Variants in LSR observed in about 807,000 individuals in gnomAD.
LSR encodes the protein lipolysis-stimulated lipoprotein receptor.
In LSR, 44 loss-of-function variants were observed where a neutral mutation model predicts 61.8. The observed-to-expected ratio is 0.71, with a 90% CI of 0.56 to 0.91. The LOEUF is 0.91. Ranked by LOEUF, LSR falls within the 40% of genes least tolerant of loss-of-function variation. The pLI is 0.00. For synonymous variants in LSR, 397 were observed against 350.6 expected (o/e 1.13, Z -1.48); for missense variants, 911 against 830.5 (o/e 1.10, Z -1.19).
rs1023367592 is a variant in LSR, at chr19:35,250,361, G to C, written c.156G>C (p.Val52=). The change falls in exon 2 of 10, where the codon GTG becomes GTC. Residue 52 remains valine (V), a synonymous_variant. Coordinates refer to ENST00000605618, the MANE Select transcript of LSR (RefSeq NM_205834.4). ...TGACCGTGTCCAACCCCTACCACGTGGTGATCCTCTTCCAGCCTGTGACCC... is the reference window on the plus strand; with the variant it reads ...TGACCGTGTCCAACCCCTACCACGTCGTGATCCTCTTCCAGCCTGTGACCC... ...IQVTVSNPYH[V]VILFQPVTLP... 7 of 1,586,382 alleles carry C rather than the reference G, an allele frequency of 4.4e-6. No individual in the cohort carries two copies. Among genetic ancestry groups the C allele is most frequent in the Non-Finnish European group, 6.0e-6 (7 of 1,161,290 alleles).
At chr19:35,264,891 C>T (rs1415209953) in intron 5 of LSR, 1 of 152,164 alleles carries the variant, frequency 6.6e-6, no homozygotes, top group Non-Finnish European at 1.5e-5. Flanking sequence ...CACTATCAGC[C>T]TCAGTAGTGA....
Position 35,267,657 on chromosome 19 carries a change from G to T in LSR, c.1693G>T (p.Glu565Ter), listed in dbSNP as rs770452111. Residue 565 changes from glutamate to a stop codon, truncating the protein, a stop_gained, in exon 9 of 10, where the codon GAG becomes TAG. Coordinates refer to ENST00000605618, the MANE Select transcript of LSR (RefSeq NM_205834.4). LOFTEE classifies it high-confidence loss of function. The stretch of plus-strand genomic sequence containing the variant: ...GAGACCCCACAAGGAGGAGGAGGAA[G>T]AGGCCTACTACCCGCCCGCGCCGCC... The part of the protein sequence containing the change: ...RRRPHKEEEE[E>*]AYYPPAPPPY... 6.2e-7 allele frequency: 1 copy of T among 1,609,718 alleles called. No homozygotes were observed. The highest frequency in any genetic ancestry group is 8.5e-7 in the Non-Finnish European group (1 of 1,178,554).
chr19:35,261,784 A>T, intron 3 of LSR, 141 bp from the exon 4 acceptor site: 1 of 490,026 alleles, frequency 2.0e-6, no homozygotes, highest in Non-Finnish European at 3.6e-6. Context: ...GGTAGGAGCC[A>T]TGCACTAGGG....
At chr19:35,256,149 G>A (rs956585973) in intron 2 of LSR, among the ~76,000 whole-genome samples, 37 of 151,668 alleles carry the variant, frequency 2.4e-4, no homozygotes, top group Admixed American at 7.2e-4. Flanking sequence ...CAGGAGAATC[G>A]CTTGAACCCA....
Position 35,262,632 on chromosome 19 carries a change from A to G in LSR, c.718A>G (p.Thr240Ala), listed in dbSNP as rs766946558. Residue 240 changes from threonine to alanine, a missense_variant, in exon 5 of 10, where the codon ACT (threonine) becomes GCT (alanine). Thr to Ala is a moderately conservative substitution (Grantham distance 58, BLOSUM62 0). Coordinates refer to ENST00000605618, the MANE Select transcript of LSR (RefSeq NM_205834.4). ...CTGCTGGTGCCAGTGCTGCCCGCAC[A>G]CTTGCTGCTGCTACGTCAGGTGCCC... ...GICWCQCCPH[T>A]CCCYVRCPCC... 8.1e-6 allele frequency: 13 copies of G among 1,614,150 alleles called. No homozygotes were observed. Among genetic ancestry groups the G allele is most frequent in the Non-Finnish European group, 9.3e-6 (11 of 1,180,032 alleles).
chr19:35,251,026 C>A (rs1166162426), intron 2 of LSR, among the ~76,000 whole-genome samples: 1 of 152,098 alleles, frequency 6.6e-6, no homozygotes, highest in African/African-American at 2.4e-5. Flanking sequence ...AAACTCCTGA[C>A]CTCAAATGAT....
chr19:35,258,458 A>AC (rs71167531), intron 2 of LSR, among the ~76,000 whole-genome samples: 47,487 of 150,164 alleles, frequency 0.32, 8,330 homozygotes, highest in Non-Finnish European at 0.41. Flanking sequence ...ATTCAAACAA[A>AC]AAAAAAAAAA....
chr19:35,266,428 T>A lies in LSR; in HGVS notation c.848T>A (p.Leu283Gln), dbSNP rs766308951. ...TATGCCCCCAGCACCTATGCCCACCTGTCTCCCGCCAAGACCCCACCCCCA... is the reference window on the plus strand; with the variant it reads ...TATGCCCCCAGCACCTATGCCCACCAGTCTCCCGCCAAGACCCCACCCCCA... ...SIYAPSTYAH[L>Q]SPAKTPPPPA... The change falls in exon 6 of 10, where the codon CTG becomes CAG. Residue 283 changes from leucine to glutamine, a missense_variant. By Grantham distance (113) the Leu-to-Gln change is moderately radical. Transcript: ENST00000605618. 6.2e-7 allele frequency: 1 copy of A among 1,612,222 alleles called. No homozygotes were observed. The highest frequency in any genetic ancestry group is 8.5e-7 in the Non-Finnish European group (1 of 1,178,974).
chr19:35,264,182 T>C (rs1025214577), intron 5 of LSR: 3 of 152,068 alleles, frequency 2.0e-5, no homozygotes, highest in Non-Finnish European at 4.4e-5. Context: ...CCAGCTACTA[T>C]GTCTAGGGTC....
rs767861813 is a variant in LSR at position 35,266,718 on chromosome 19, C to T, written c.992C>T (p.Thr331Met). Reference protein sequence around the residue: ...QGSYVPLLRDTDSSVASEVRS... With the variant: ...QGSYVPLLRDMDSSVASEVRS... ...TCCTATGTACCCCTGCTTCGGGACA[C>T]GGACAGCAGTGTGGCCTCTGGTGAG... The change falls in exon 7 of 10, where the codon ACG becomes ATG. Residue 331 changes from threonine (T) to methionine (M), a missense_variant. Thr to Met is a moderately conservative substitution (Grantham distance 81). Coordinates refer to ENST00000605618, the MANE Select transcript of LSR (RefSeq NM_205834.4). 1 of 1,608,944 alleles carries T rather than the reference C, an allele frequency of 6.2e-7. No individual in the cohort carries two copies. The highest frequency in any genetic ancestry group is 8.5e-7 in the Non-Finnish European group (1 of 1,178,030).
intron 2 of LSR, among the ~76,000 whole-genome samples, chr19:35,250,921 G>A (rs1418099917): frequency 6.6e-6 from 1 of 151,042 alleles, no homozygotes; most frequent in African/African-American, 2.4e-5. Context: ...TCAGCCTCCC[G>A]AGTAGCTGGG....
intron 2 of LSR, among the ~76,000 whole-genome samples, chr19:35,256,941 A>G (rs2065864241): frequency 6.6e-6 from 1 of 151,990 alleles, no homozygotes; most frequent in South Asian, 2.1e-4. Flanking sequence ...AGTTCAAGCA[A>G]TTCTCCTGCC....
intron 6 of LSR, 25 bp from the exon 7 acceptor site, chr19:35,266,654 G>T: frequency 6.2e-7 from 1 of 1,601,896 alleles, no homozygotes. Context: ...CTGGTGCGCG[G>T]CCACTGACAG....
chr19:35,265,255 G>C (rs2065981899), intron 5 of LSR, among the ~76,000 whole-genome samples: 1 of 152,254 alleles, frequency 6.6e-6, no homozygotes, highest in Admixed American at 6.5e-5. Context: ...ACTAAGACCA[G>C]AGCTAGGGCC....
intron 5 of LSR, among the ~76,000 whole-genome samples, chr19:35,265,030 A>G (rs2065978644): frequency 6.6e-6 from 1 of 152,112 alleles, no homozygotes; most frequent in East Asian, 1.9e-4. Context: ...GCATTAAGGA[A>G]GTCGCTGGCT....
chr19:35,249,598 C>G (rs1252284390), intron 1 of LSR, among the ~76,000 whole-genome samples: 2 of 152,086 alleles, frequency 1.3e-5, no homozygotes, highest in African/African-American at 4.8e-5. Context: ...TGGGGACTCC[C>G]CATCCCCCGC....
chr19:35,256,589 TG>T, intron 2 of LSR, among the ~76,000 whole-genome samples: 1 of 152,216 alleles, frequency 6.6e-6, no homozygotes, highest in East Asian at 1.9e-4. Flanking sequence ...GAAAACGTCT[TG>T]GGGAACCCCA....
intron 5 of LSR, chr19:35,264,466 C>G (rs2065971548): frequency 6.6e-6 from 1 of 152,232 alleles, no homozygotes; most frequent in South Asian, 2.1e-4. Flanking sequence ...GACACCAGAC[C>G]ACAGTGTGTA....
At position 35,266,389 on chromosome 19, in the gene LSR, G is replaced by C. The variant is rs776210267; in HGVS notation, c.809G>C (p.Gly270Ala). The change falls in exon 6 of 10, where the codon GGT becomes GCT. Residue 270 changes from glycine to alanine, a missense_variant. Coordinates refer to ENST00000605618, the MANE Select transcript of LSR (RefSeq NM_205834.4). The stretch of plus-strand genomic sequence containing the variant: ...GCCGCCGGCAAAGCAGCCACCTCAG[G>C]TGTTCCCAGCATTTATGCCCCCAGC... ...LYAAGKAATS[G>A]VPSIYAPSTY... is the part of the protein sequence containing the mutation. The C allele has an allele frequency of 6.3e-7, 1 of 1,599,204 alleles. No individual in the cohort carries two copies. The highest frequency in any genetic ancestry group is 8.5e-7 in the Non-Finnish European group (1 of 1,172,952).
Sources: gnomAD v4.1 joint callset for allele counts (sites outside exome capture counted in the v4.1 genomes callset) on GRCh38, gnomAD v4.1.1 for gene constraint, MANE v1.5 for transcripts, NCBI Gene and HGNC (gene_info 2026-07-23, HGNC 2026-07-21) for gene names.